Variants in WDFY3 observed in about 807,000 individuals in gnomAD.
WDFY3 encodes the protein WD repeat and FYVE domain-containing protein 3.
In WDFY3, 66 loss-of-function variants were observed where a neutral mutation model predicts 409.6. The ratio of observed to expected loss-of-function variants is 0.16; its 90% CI spans 0.13 to 0.20. The LOEUF (loss-of-function observed/expected upper bound fraction) is 0.20, where lower values mean the gene tolerates loss of function less well. Ranked by LOEUF, WDFY3 falls within the 10% of genes least tolerant of loss-of-function variation. The probability of loss-of-function intolerance (pLI) is 1.00; values close to 1 mark genes in which losing one functional copy is unlikely to be tolerated. For missense variants in WDFY3, 3,031 were observed against 4,298.1 expected (o/e 0.71, Z 8.24); for synonymous variants, 1,521 against 1,537.1 (o/e 0.99, Z 0.25).
At chr4:84,875,405 G>A (rs535264145) in intron 3 of WDFY3, among the ~76,000 whole-genome samples, 1 of 152,140 alleles carries the variant, frequency 6.6e-6, no homozygotes, top group Admixed American at 6.6e-5. Context: ...TGCTCTGGGT[G>A]AGTCAGTGAG....
intron 13 of WDFY3, among the ~76,000 whole-genome samples, chr4:84,816,473 T>G (rs1397770552): frequency 6.6e-6 from 1 of 152,134 alleles, no homozygotes; most frequent in Non-Finnish European, 1.5e-5. Flanking sequence ...ACACTAATAG[T>G]ATTTATTTTT....
intron 3 of WDFY3, among the ~76,000 whole-genome samples, chr4:84,889,231 A>C (rs1764624314): frequency 6.6e-6 from 1 of 152,160 alleles, no homozygotes; most frequent in Admixed American, 6.5e-5. Context: ...ATTGTGCTTG[A>C]AGCTTATACA....
chr4:84,782,747 G>A (rs564942744), intron 25 of WDFY3, among the ~76,000 whole-genome samples: 5 of 152,142 alleles, frequency 3.3e-5, no homozygotes, highest in South Asian at 2.1e-4. Context: ...GTATTCCTTG[G>A]TGGATATGTA....
chr4:84,733,396 C>T lies in WDFY3; in HGVS notation c.7207G>A (p.Glu2403Lys), dbSNP rs767399242. 1.2e-6 allele frequency: 2 copies of T among 1,614,010 alleles called. No individual in the cohort carries two copies. The highest frequency in any genetic ancestry group is 1.3e-5 in the African/African-American group (1 of 74,936). Reference protein sequence around the residue: ...HYPYVPETEQETNVASEIPSK... With the variant: ...HYPYVPETEQKTNVASEIPSK... ...TGCATACTCACCGCCACATTTGTCT[C>T]TTGCTCAGTTTCTGGCACGTAAGGG... Residue 2403 changes from glutamate (E) to lysine (K), a missense_variant, in exon 44 of 68, where the codon GAG becomes AAG. Around this residue, in one of 16 missense-constraint regions of WDFY3, gnomAD observed 127 missense variants for 144.4 expected, o/e 0.88. Transcript: ENST00000295888.
chr4:84,766,228 C>A (rs1268614667), intron 31 of WDFY3, 24 bp downstream of exon 31: 3 of 1,562,886 alleles, frequency 1.9e-6, no homozygotes, highest in South Asian at 1.2e-5. Flanking sequence ...CTGGTATAAT[C>A]ACTTTTAAAA....
chr4:84,903,069 A>C lies in WDFY3; in HGVS notation c.-131-6059T>G, dbSNP rs1480913539. On this transcript the variant is annotated intron_variant, in intron 2 of 67. Coordinates refer to ENST00000295888, the MANE Select transcript of WDFY3 (RefSeq NM_014991.6). ...AATCACGAAGAATATAAGGACTTTT[A>C]GAAAAAATTATTTCTATTAAGGTTG... is the stretch of plus-strand genomic sequence containing the variant. Among the ~76,000 whole-genome samples the C allele has an allele frequency of 5.9e-5, 9 of 152,216 alleles. No individual in the cohort carries two copies. The East Asian group carries it at 1.7e-3, about 29-fold the overall frequency.
rs569956640 is a variant in WDFY3, at chr4:84,743,874, CTAATA to C, written c.5974-80_5974-76del. ...ATGAGCTCAACCACATTTACATTAC[CTAATA>C]TATTAAAAAGATTAAAAAATTCTAC... On this transcript the variant is annotated intron_variant, in intron 36 of 67. Transcript: ENST00000295888. The C allele has an allele frequency of 7.9e-3, 7,619 of 962,422 alleles. 72 individuals carry two copies. The highest frequency in any genetic ancestry group is 0.064 in the Middle Eastern group (195 of 3,042). 59.6% of individuals were successfully genotyped at this position (962,422 alleles called of 1,614,324 possible).
intron 4 of WDFY3, among the ~76,000 whole-genome samples, chr4:84,855,094 C>T (rs1327124626): frequency 6.6e-6 from 1 of 152,124 alleles, no homozygotes; most frequent in Non-Finnish European, 1.5e-5. Flanking sequence ...ATAACAATTA[C>T]CATATAATAC....
At chr4:84,795,197 T>C (rs1471966159) in intron 19 of WDFY3, among the ~76,000 whole-genome samples, 1 of 151,690 alleles carries the variant, frequency 6.6e-6, no homozygotes, top group Non-Finnish European at 1.5e-5. Context: ...ATTTTTAACT[T>C]AAAATAAAAA....
At chr4:84,675,563 C>T (rs921796358) in intron 67 of WDFY3, among the ~76,000 whole-genome samples, 3 of 152,142 alleles carry the variant, frequency 2.0e-5, no homozygotes, top group South Asian at 2.1e-4. Flanking sequence ...CAGAGAGGCT[C>T]GGTAACTTGC....
chr4:84,873,190 T>C (rs1466058854), intron 3 of WDFY3, among the ~76,000 whole-genome samples: 2 of 152,194 alleles, frequency 1.3e-5, no homozygotes, highest in African/African-American at 4.8e-5. Flanking sequence ...ACAGTTGACA[T>C]TTATAGGATA....
intron 38 of WDFY3, 124 bp downstream of exon 38, chr4:84,741,637 G>A: frequency 5.1e-6 from 6 of 1,174,866 alleles, no homozygotes; most frequent in Non-Finnish European, 7.0e-6. Context: ...CTTTTAATAA[G>A]CTTAGCTTTT....
chr4:84,739,387 A>T (rs1738008944), intron 39 of WDFY3: 1 of 346,030 alleles, frequency 2.9e-6, no homozygotes, highest in Non-Finnish European at 5.3e-6. Context: ...GAACATTTTT[A>T]CCTAATAATT....
intron 14 of WDFY3, chr4:84,809,145 C>T (rs1293234401): frequency 1.3e-5 from 2 of 152,172 alleles, no homozygotes; most frequent in Non-Finnish European, 2.9e-5. Context: ...ATTGAAAACA[C>T]AGTTGAAGCA....
chr4:84,782,842 G>A (rs1440407758), intron 25 of WDFY3, 121 bp downstream of exon 25: 8 of 747,880 alleles, frequency 1.1e-5, no homozygotes, highest in Admixed American at 2.6e-5. Flanking sequence ...AATACTGCAC[G>A]TACACTATAG....
Position 84,718,564 on chromosome 4 carries a change from G to A in WDFY3, c.7612C>T (p.His2538Tyr), listed in dbSNP as rs1023527417. ...TGGACTCGAGCACAGCGGTACATGT[G>A]TTGGATCTATAAAGAAGCCCACAAA... ...RLLEEGEKIQ[H>Y]MYRCARVQGL... Residue 2538 changes from histidine to tyrosine, a missense_variant, in exon 48 of 68, where the codon CAC (histidine) becomes TAC (tyrosine). This residue lies in a region of WDFY3 where 17 missense variants were observed against 36.7 expected (regional missense o/e 0.46). Transcript: ENST00000295888. 13 of 1,606,286 alleles carry A rather than the reference G, an allele frequency of 8.1e-6. No homozygotes were observed. Among genetic ancestry groups the A allele is most frequent in the Non-Finnish European group, 1.1e-5 (13 of 1,177,552 alleles).
chr4:84,844,462 G>A (rs1197730685), intron 5 of WDFY3: 1 of 1,289,436 alleles, frequency 7.8e-7, no homozygotes, highest in African/African-American at 1.5e-5. Flanking sequence ...TTACCTGAAG[G>A]TGTTGTGGCT....
chr4:84,735,313 C>T lies in WDFY3; in HGVS notation c.6916-193G>A, dbSNP rs988408383. Among the ~76,000 whole-genome samples the T allele has an allele frequency of 2.0e-5, 3 of 152,314 alleles. No individual in the cohort carries two copies. The South Asian group carries it at 6.2e-4, about 32-fold the overall frequency. ...CACAGATCTGCATGCTCTCCCACCC[C>T]CAAAGCCCCTTCAAGGAAGGGCTTG... is the stretch of plus-strand genomic sequence containing the variant. On this transcript the variant is annotated intron_variant, in intron 42 of 67. Transcript: ENST00000295888.
At chr4:84,811,487 T>C (rs1046375219) in intron 13 of WDFY3, among the ~76,000 whole-genome samples, 1 of 152,124 alleles carries the variant, frequency 6.6e-6, no homozygotes, top group Admixed American at 6.6e-5. Context: ...AAAATAACTC[T>C]CCAAAGACTA....
Sources: gnomAD v4.1 joint callset for allele counts (sites outside exome capture counted in the v4.1 genomes callset) on GRCh38, gnomAD v4.1.1 for gene constraint, gnomAD v4.1.1 regional missense constraint, MANE v1.5 for transcripts, NCBI Gene and HGNC (gene_info 2026-07-23, HGNC 2026-07-21) for gene names.